RANBP17: variants seen among roughly 807,000 people sequenced by gnomAD.
RANBP17 encodes the protein RAN binding protein 17, also known as ran-binding protein 17.
RANBP17 carries 158 observed loss-of-function variants against 141.2 expected under a neutral mutation model. The ratio of observed to expected loss-of-function variants is 1.12; its 90% CI spans 0.98 to 1.28. The LOEUF (loss-of-function observed/expected upper bound fraction) is 1.28. RANBP17 is among the 50% of genes most tolerant of loss of function. RANBP17 has a pLI of 0.00. For missense variants in RANBP17, 1,438 were observed against 1,290.7 expected, an observed-to-expected ratio of 1.11 and a Z score of -1.75; for synonymous variants, 430 against 450.0, an observed-to-expected ratio of 0.96 and a Z score of 0.56.
At chr5:171,053,273 G>A (rs1036612517) in intron 14 of RANBP17, among the ~76,000 whole-genome samples, 2 of 151,780 alleles carry the variant, frequency 1.3e-5, no homozygotes, top group Non-Finnish European at 2.9e-5. Flanking sequence ...ATTGTGTGTT[G>A]CTGAGGTTCA....
chr5:171,104,198 C>T (rs944633401), intron 14 of RANBP17, among the ~76,000 whole-genome samples: 20 of 152,156 alleles, frequency 1.3e-4, no homozygotes, highest in Middle Eastern at 3.4e-3. Context: ...CCACCAGGCC[C>T]GGCTAATTTT....
intron 18 of RANBP17, among the ~76,000 whole-genome samples, chr5:171,187,534 C>G (rs143037285): frequency 6.6e-6 from 1 of 151,404 alleles, no homozygotes; most frequent in Non-Finnish European, 1.5e-5. Context: ...CAATAAATAA[C>G]ATAAAATTTT....
intron 14 of RANBP17, among the ~76,000 whole-genome samples, chr5:171,122,705 A>G (rs369532952): frequency 3.3e-5 from 5 of 152,314 alleles, no homozygotes; most frequent in East Asian, 3.9e-4. Flanking sequence ...CCCTGAGAGT[A>G]GTATAGGAAG....
At chr5:170,906,729 T>G (rs930743423) in intron 5 of RANBP17, among the ~76,000 whole-genome samples, 2 of 151,946 alleles carry the variant, frequency 1.3e-5, no homozygotes, top group Non-Finnish European at 2.9e-5. Flanking sequence ...CATTATTTGT[T>G]TTGTTGCTCA....
chr5:170,922,618 A>T (rs1197981544), intron 11 of RANBP17, among the ~76,000 whole-genome samples: 1 of 152,114 alleles, frequency 6.6e-6, no homozygotes, highest in Non-Finnish European at 1.5e-5. Context: ...CGTGGGACCC[A>T]CTGAGCCAGG....
At chr5:170,977,450 G>T (rs555298408) in intron 14 of RANBP17, among the ~76,000 whole-genome samples, 1 of 151,948 alleles carries the variant, frequency 6.6e-6, no homozygotes, top group Non-Finnish European at 1.5e-5. Flanking sequence ...TTCTTCAAAA[G>T]GTTAAACATA....
intron 24 of RANBP17, among the ~76,000 whole-genome samples, chr5:171,263,397 C>G (rs549897435): frequency 6.6e-6 from 1 of 152,294 alleles, no homozygotes; most frequent in South Asian, 2.1e-4. Context: ...CCATGGACTT[C>G]TGATAAGCAA....
chr5:170,994,803 C>G (rs565168605), intron 14 of RANBP17, among the ~76,000 whole-genome samples: 3 of 152,178 alleles, frequency 2.0e-5, no homozygotes, highest in East Asian at 1.9e-4. Context: ...TTTAAGCTCT[C>G]TTTTCATAAA....
chr5:171,064,167 C>T (rs1309551893), intron 14 of RANBP17, among the ~76,000 whole-genome samples: 1 of 152,188 alleles, frequency 6.6e-6, no homozygotes, highest in East Asian at 1.9e-4. Flanking sequence ...GCGCTGCACC[C>T]ACTGTCCTGC....
intron 14 of RANBP17, among the ~76,000 whole-genome samples, chr5:171,153,149 G>A (rs1758610247): frequency 6.6e-6 from 1 of 152,156 alleles, no homozygotes; most frequent in South Asian, 2.1e-4. Flanking sequence ...ATTGGATATT[G>A]ATTAGAGTGA....
chr5:171,266,955 A>T (rs151244298), intron 25 of RANBP17, among the ~76,000 whole-genome samples: 103 of 151,808 alleles, frequency 6.8e-4, no homozygotes, highest in African/African-American at 2.4e-3. Context: ...TTAAAAAAAC[A>T]TACATGCCAA....
chr5:170,921,975 C>A (rs186441354), intron 11 of RANBP17, among the ~76,000 whole-genome samples: 1 of 152,222 alleles, frequency 6.6e-6, no homozygotes, highest in African/African-American at 2.4e-5. Flanking sequence ...TTTTATCTAC[C>A]TTTGGTCTTT....
At chr5:171,178,531 T>C (rs1294426102) in intron 16 of RANBP17, among the ~76,000 whole-genome samples, 1 of 152,212 alleles carries the variant, frequency 6.6e-6, no homozygotes, top group Non-Finnish European at 1.5e-5. Flanking sequence ...TTTGGGTTTA[T>C]ACCCAGTAAT....
Position 170,901,701 on chromosome 5 carries a change from T to C in RANBP17, c.489+5586T>C, listed in dbSNP as rs545121258. Among the ~76,000 whole-genome samples the C allele has an allele frequency of 5.3e-4, 81 of 152,344 alleles. 1 individual carries two copies. The highest frequency in any genetic ancestry group is 1.2e-3 in the Admixed American group (19 of 15,308). On this transcript the variant is annotated intron_variant, in intron 5 of 27. Coordinates refer to ENST00000523189, the MANE Select transcript of RANBP17 (RefSeq NM_022897.5). ...ATTTCGTGCTTCCTTCAGGAGCTCT[T>C]GTAAGGCAGGCCTGGTGGTGACAAA... is the stretch of plus-strand genomic sequence containing the variant.
chr5:170,918,888 C>G, intron 10 of RANBP17, 29 bp downstream of exon 10: 2 of 1,457,394 alleles, frequency 1.4e-6, no homozygotes, highest in Non-Finnish European at 1.8e-6. Flanking sequence ...TTATGTTAAA[C>G]TGTAGCCAGT....
At chr5:171,072,611 A>G (rs1784694420) in intron 14 of RANBP17, among the ~76,000 whole-genome samples, 1 of 152,184 alleles carries the variant, frequency 6.6e-6, no homozygotes, top group Admixed American at 6.5e-5. Flanking sequence ...AATTGTTACA[A>G]ACAGACAATA....
intron 24 of RANBP17, among the ~76,000 whole-genome samples, chr5:171,246,170 C>T (rs1460432257): frequency 2.0e-5 from 3 of 152,108 alleles, no homozygotes; most frequent in Non-Finnish European, 4.4e-5. Context: ...TGTGAGCCAC[C>T]GCACCCGGCC....
intron 14 of RANBP17, among the ~76,000 whole-genome samples, chr5:171,002,947 T>G (rs1779322488): frequency 6.6e-6 from 1 of 151,618 alleles, no homozygotes; most frequent in Admixed American, 6.6e-5. Context: ...CAACAAAGAG[T>G]GAGTACAACT....
chr5:171,064,719 C>G (rs999861363), intron 14 of RANBP17, among the ~76,000 whole-genome samples: 8 of 151,980 alleles, frequency 5.3e-5, no homozygotes, highest in South Asian at 2.1e-4. Context: ...TGGGGTTTCT[C>G]CATGTTGCGT....
Sources: allele counts gnomAD v4.1 joint callset (sites outside exome capture counted in the v4.1 genomes callset), GRCh38; gene constraint gnomAD v4.1.1; transcripts MANE v1.5; gene names NCBI Gene and HGNC (gene_info 2026-07-23, HGNC 2026-07-21).